Variants in PHKB observed in about 807,000 individuals in gnomAD.
The protein encoded by PHKB is phosphorylase kinase regulatory subunit beta.
A neutral mutation model predicts 152.1 loss-of-function variants in PHKB; 122 were observed. That is an observed-to-expected ratio of 0.80 (90% CI 0.69 to 0.93). The LOEUF (loss-of-function observed/expected upper bound fraction) is 0.93, where lower values mean the gene tolerates loss of function less well. PHKB is among the 40% of genes least tolerant of loss of function. The pLI is 0.00. For synonymous variants in PHKB, 436 were observed against 464.9 expected (o/e 0.94, Z 0.80); for missense variants, 1,304 against 1,328.4 (o/e 0.98, Z 0.29).
chr16:47,463,823 A>G, intron 1 of PHKB: 1 of 972,400 alleles, frequency 1.0e-6, no homozygotes, highest in Non-Finnish European at 1.6e-6. Flanking sequence ...CATGTTAATA[A>G]CTGCTCACAC....
intron 1 of PHKB, among the ~76,000 whole-genome samples, chr16:47,480,270 AT>A: frequency 6.6e-6 from 1 of 152,126 alleles, no homozygotes; most frequent in South Asian, 2.1e-4. Flanking sequence ...AGTCCAGTTT[AT>A]TTTTCCACAT....
At chr16:47,634,113 T>C (rs1972875081) in intron 14 of PHKB, among the ~76,000 whole-genome samples, 1 of 152,238 alleles carries the variant, frequency 6.6e-6, no homozygotes, top group Non-Finnish European at 1.5e-5. Context: ...TTATATATTA[T>C]GTATTATTCT....
chr16:47,666,172 A>G, intron 25 of PHKB: 3 of 714,580 alleles, frequency 4.2e-6, no homozygotes, highest in Admixed American at 4.2e-5. Context: ...ACTTTCTATC[A>G]AAGTCTCCTT....
chr16:47,566,279 G>C, intron 7 of PHKB: 2 of 936,208 alleles, frequency 2.1e-6, no homozygotes, highest in South Asian at 1.3e-5. Context: ...CATCAAAGCT[G>C]TCTGTGGCAG....
rs576021609 is a variant in PHKB, at chr16:47,505,831, G to A, written c.405+2741G>A. On this transcript the variant is annotated intron_variant, in intron 4 of 30. Coordinates refer to ENST00000323584, the MANE Select transcript of PHKB (RefSeq NM_000293.3). ...GTGGATCGCTTGAGGCCAGGAGTTCGAGAGCAGCCTGGCCAACATGGTGAA... is the reference window on the plus strand; with the variant it reads ...GTGGATCGCTTGAGGCCAGGAGTTCAAGAGCAGCCTGGCCAACATGGTGAA... 4.0e-4 allele frequency among the ~76,000 whole-genome samples: 61 copies of A among 151,958 alleles called. 1 individual carries two copies. Among genetic ancestry groups the A allele is most frequent in the African/African-American group, 1.4e-3 (59 of 41,464 alleles).
chr16:47,495,078 T>A (rs1176565074), intron 1 of PHKB, among the ~76,000 whole-genome samples: 2 of 152,140 alleles, frequency 1.3e-5, no homozygotes, highest in African/African-American at 4.8e-5. Context: ...CTTTTACCCT[T>A]TTCTGCTATG....
At chr16:47,610,436 G>A (rs988451572) in intron 13 of PHKB, among the ~76,000 whole-genome samples, 3 of 151,660 alleles carry the variant, frequency 2.0e-5, no homozygotes, top group African/African-American at 4.8e-5. Context: ...ATTGATTTTG[G>A]TGTTTGTCTT....
At chr16:47,491,261 T>C (rs1970145768) in intron 1 of PHKB, among the ~76,000 whole-genome samples, 1 of 152,156 alleles carries the variant, frequency 6.6e-6, no homozygotes, top group Admixed American at 6.5e-5. Flanking sequence ...GAAGTATATG[T>C]CCCTTACAGA....
In PHKB at chr16:47,481,766, A is replaced by G. The variant is rs75553071; in HGVS notation, c.77-15633A>G. 2.8e-4 allele frequency among the ~76,000 whole-genome samples: 43 copies of G among 152,294 alleles called. No homozygotes were observed. The East Asian group carries it at 7.3e-3, about 26-fold the overall frequency. On this transcript the variant is annotated intron_variant, in intron 1 of 30. Coordinates refer to ENST00000323584, the MANE Select transcript of PHKB (RefSeq NM_000293.3). ...CCTGTGAGGTTATATAATTTTCTCC[A>G]CTTTTCAGATGAGAAGACCTAGCTC...
At chr16:47,519,187 T>C (rs1418438789) in intron 6 of PHKB, among the ~76,000 whole-genome samples, 1 of 152,192 alleles carries the variant, frequency 6.6e-6, no homozygotes, top group Non-Finnish European at 1.5e-5. Flanking sequence ...TTTACTTTTT[T>C]TTGCAAAGAT....
intron 5 of PHKB, 43 bp downstream of exon 5, chr16:47,511,815 C>G (rs757803584): frequency 1.6e-6 from 2 of 1,258,702 alleles, no homozygotes; most frequent in South Asian, 2.4e-5. Flanking sequence ...TATTATATAG[C>G]ATAGAACAGT....
intron 26 of PHKB, among the ~76,000 whole-genome samples, chr16:47,683,219 A>T (rs1187482328): frequency 1.3e-5 from 2 of 152,192 alleles, no homozygotes; most frequent in East Asian, 3.9e-4. Flanking sequence ...TCAAGGACCT[A>T]CTTGAGGAGG....
At chr16:47,485,886 G>A (rs1970041191) in intron 1 of PHKB, among the ~76,000 whole-genome samples, 1 of 151,816 alleles carries the variant, frequency 6.6e-6, no homozygotes, top group Admixed American at 6.6e-5. Context: ...CTCCCAAAGT[G>A]CTGGGATTAT....
At chr16:47,531,167 C>T (rs748135293) in intron 6 of PHKB, among the ~76,000 whole-genome samples, 6 of 152,096 alleles carry the variant, frequency 3.9e-5, no homozygotes, top group East Asian at 3.9e-4. Context: ...CACACACATA[C>T]GTATATGGAG....
chr16:47,625,498 C>G (rs1221672108), intron 14 of PHKB, among the ~76,000 whole-genome samples: 1 of 152,116 alleles, frequency 6.6e-6, no homozygotes, highest in African/African-American at 2.4e-5. Flanking sequence ...CTGGTCTCCT[C>G]TTAGTTTCTC....
In PHKB at chr16:47,626,570, A is replaced by G. The variant is rs74016211; in HGVS notation, c.1459-14465A>G. ...CACTTGGCAATTCTCTAGTGAACTGAAAAGTTTATGGTACAGCCAGTAAGA... is the reference window on the plus strand; with the variant it reads ...CACTTGGCAATTCTCTAGTGAACTGGAAAGTTTATGGTACAGCCAGTAAGA... On this transcript the variant is annotated intron_variant, in intron 14 of 30. Transcript: ENST00000323584. Among the ~76,000 whole-genome samples, 292 of 152,278 alleles carry G rather than the reference A, an allele frequency of 1.9e-3. 1 individual carries two copies. The highest frequency in any genetic ancestry group is 6.5e-3 in the African/African-American group (271 of 41,562).
intron 13 of PHKB, among the ~76,000 whole-genome samples, chr16:47,609,737 T>A (rs1033025760): frequency 6.6e-6 from 1 of 152,180 alleles, no homozygotes; most frequent in Non-Finnish European, 1.5e-5. Flanking sequence ...TATTCTCTTA[T>A]AATCCTTTAG....
chr16:47,598,982 T>A, intron 13 of PHKB: 2 of 1,151,992 alleles, frequency 1.7e-6, no homozygotes, highest in South Asian at 2.5e-5. Context: ...AGGCCAGTGG[T>A]CTTCTTCAGC....
rs776766619 is a variant in PHKB, at chr16:47,594,233, G to T, written c.1204+19G>T. On this transcript the variant is annotated intron_variant, in intron 12 of 30. Coordinates refer to ENST00000323584, the MANE Select transcript of PHKB (RefSeq NM_000293.3). ...ACAGAAGGTATAGTTGTTTTTTTAA[G>T]AAATTCTTCCTACCAACATTTCCTG... is the stretch of plus-strand genomic sequence containing the variant. 11 of 1,259,366 alleles carry T rather than the reference G, an allele frequency of 8.7e-6. No homozygotes were observed. The East Asian group carries it at 2.1e-4, about 24-fold the overall frequency. 78.0% of individuals were successfully genotyped at this position (1,259,366 alleles called of 1,614,324 possible).
Sources: gnomAD v4.1 joint callset for allele counts (sites outside exome capture counted in the v4.1 genomes callset) on GRCh38, gnomAD v4.1.1 for gene constraint, MANE v1.5 for transcripts, NCBI Gene and HGNC (gene_info 2026-07-23, HGNC 2026-07-21) for gene names.